MAPK8: variants seen among roughly 807,000 people sequenced by gnomAD.
MAPK8 encodes mitogen-activated protein kinase 8.
In MAPK8, 13 loss-of-function variants were observed where a neutral mutation model predicts 52.9. The observed-to-expected ratio is 0.25, with a 90% CI of 0.16 to 0.39. The LOEUF (loss-of-function observed/expected upper bound fraction) is 0.39, where lower values mean the gene tolerates loss of function less well. Ranked by LOEUF, MAPK8 falls within the 10% of genes least tolerant of loss-of-function variation. MAPK8 has a pLI of 1.00. For missense variants in MAPK8, 300 were observed against 519.2 expected (o/e 0.58, Z 4.10); for synonymous variants, 191 against 169.8 (o/e 1.12, Z -0.97).
intron 11 of MAPK8, among the ~76,000 whole-genome samples, chr10:48,433,913 G>A (rs1215856035): frequency 6.6e-6 from 1 of 152,168 alleles, no homozygotes; most frequent in Non-Finnish European, 1.5e-5. Flanking sequence ...TTTCATAAAT[G>A]TATTCTTGAG....
chr10:48,425,251 G>A, intron 7 of MAPK8: 1 of 740,996 alleles, frequency 1.3e-6, no homozygotes, highest in Non-Finnish European at 2.5e-6. Flanking sequence ...TCAGGGTCCT[G>A]GAGTGTAAAG....
chr10:48,347,860 A>C (rs1845937646), intron 1 of MAPK8, among the ~76,000 whole-genome samples: 1 of 152,190 alleles, frequency 6.6e-6, no homozygotes, highest in Non-Finnish European at 1.5e-5. Context: ...GTAAACATAC[A>C]TGTGCATGTG....
At chr10:48,376,225 A>G (rs924039068) in intron 1 of MAPK8, among the ~76,000 whole-genome samples, 1 of 152,224 alleles carries the variant, frequency 6.6e-6, no homozygotes, top group Non-Finnish European at 1.5e-5. Context: ...TACACCTTAT[A>G]CAAAAATTAA....
Position 48,410,010 on chromosome 10 carries a change from C to T in MAPK8, c.312-20C>T. ...ATTGCTGCTGGACACTTTAGCTGTT[C>T]TCTTTTTTCACTCATAAAGTTACAT... is the stretch of plus-strand genomic sequence containing the variant. On this transcript the variant is annotated intron_variant, in intron 4 of 11. Transcript: ENST00000374189. 6.2e-7 allele frequency: 1 copy of T among 1,602,656 alleles called. No individual in the cohort carries two copies. Among genetic ancestry groups the T allele is most frequent in the East Asian group, 2.2e-5 (1 of 44,772 alleles).
At chr10:48,410,323 A>C (rs2042681256) in intron 5 of MAPK8, 155 bp downstream of exon 5, 3 of 510,410 alleles carry the variant, frequency 5.9e-6, no homozygotes, top group African/African-American at 2.0e-5. Context: ...CATTACCCCC[A>C]AAAAAGTCTC....
intron 10 of MAPK8, 105 bp downstream of exon 10, chr10:48,427,248 C>A: frequency 1.5e-6 from 1 of 687,352 alleles, no homozygotes; most frequent in Non-Finnish European, 2.5e-6. Flanking sequence ...ATATGCATAA[C>A]CGAAATGTGG....
chr10:48,356,350 G>A (rs1846938979), intron 1 of MAPK8, among the ~76,000 whole-genome samples: 1 of 151,932 alleles, frequency 6.6e-6, no homozygotes, highest in African/African-American at 2.4e-5. Flanking sequence ...AGAAATAGAG[G>A]TAATAACTTG....
intron 6 of MAPK8, among the ~76,000 whole-genome samples, chr10:48,420,990 A>G (rs1317825146): frequency 1.3e-5 from 2 of 152,212 alleles, no homozygotes; most frequent in African/African-American, 4.8e-5. Context: ...TTAATTTAGG[A>G]AGAAATTTTG....
intron 6 of MAPK8, among the ~76,000 whole-genome samples, chr10:48,422,645 A>G: frequency 6.6e-6 from 1 of 152,214 alleles, no homozygotes. Context: ...GATTTATTCT[A>G]ATAGATTTTT....
intron 1 of MAPK8, among the ~76,000 whole-genome samples, chr10:48,314,843 C>T (rs1230231352): frequency 2.6e-5 from 4 of 152,142 alleles, no homozygotes; most frequent in African/African-American, 9.7e-5. Flanking sequence ...TGTTTTTCCC[C>T]AATTTGCTGT....
intron 5 of MAPK8, among the ~76,000 whole-genome samples, chr10:48,414,448 A>ATT (rs3047768): frequency 0.39 from 51,903 of 133,696 alleles, 11,356 homozygotes; most frequent in South Asian, 0.57. Flanking sequence ...TATTGAGAGG[A>ATT]TTTTTTTTTT....
chr10:48,405,615 C>T (rs2042422758), intron 3 of MAPK8, among the ~76,000 whole-genome samples: 1 of 152,088 alleles, frequency 6.6e-6, no homozygotes, highest in African/African-American at 2.4e-5. Flanking sequence ...CTTTTTTAAA[C>T]TTACATTAAG....
chr10:48,394,985 A>G (rs1411112109), intron 1 of MAPK8, among the ~76,000 whole-genome samples: 1 of 151,956 alleles, frequency 6.6e-6, no homozygotes, highest in African/African-American at 2.4e-5. Flanking sequence ...AAACAAAATT[A>G]TGTAAAGCCT....
At chr10:48,434,390 A>C (rs1364005485) in intron 11 of MAPK8, among the ~76,000 whole-genome samples, 1 of 152,200 alleles carries the variant, frequency 6.6e-6, no homozygotes, top group African/African-American at 2.4e-5. Context: ...CCAGAAGTAC[A>C]TCTTGTTTCA....
intron 1 of MAPK8, among the ~76,000 whole-genome samples, chr10:48,397,437 T>C (rs2041944809): frequency 6.6e-6 from 1 of 152,114 alleles, no homozygotes; most frequent in South Asian, 2.1e-4. Context: ...ATTATAGATA[T>C]GAGCCACTAC....
At chr10:48,326,255 G>A (rs1032435912) in intron 1 of MAPK8, among the ~76,000 whole-genome samples, 6 of 152,080 alleles carry the variant, frequency 3.9e-5, no homozygotes, top group Admixed American at 1.3e-4. Flanking sequence ...TGGACTCATG[G>A]TTGCTTATTT....
At chr10:48,328,182 AATTTT>A (rs1413070148) in intron 1 of MAPK8, among the ~76,000 whole-genome samples, 1 of 151,974 alleles carries the variant, frequency 6.6e-6, no homozygotes, top group Non-Finnish European at 1.5e-5. Flanking sequence ...ATGCCCAGCT[AATTTT>A]TGTATTTTTT....
At chr10:48,340,826 C>T (rs1845181504) in intron 1 of MAPK8, among the ~76,000 whole-genome samples, 2 of 152,240 alleles carry the variant, frequency 1.3e-5, no homozygotes, top group South Asian at 4.1e-4. Context: ...GAATCTCTCT[C>T]TTCTCTCTAT....
intron 3 of MAPK8, among the ~76,000 whole-genome samples, chr10:48,409,652 C>G (rs1195821487): frequency 6.6e-6 from 1 of 152,188 alleles, no homozygotes; most frequent in East Asian, 1.9e-4. Context: ...AATGGAATTA[C>G]AGATAAATGG....
Sources: gnomAD v4.1 joint callset for allele counts (sites outside exome capture counted in the v4.1 genomes callset) on GRCh38, gnomAD v4.1.1 for gene constraint, MANE v1.5 for transcripts, NCBI Gene and HGNC (gene_info 2026-07-23, HGNC 2026-07-21) for gene names.